UBE2E2: variants seen among roughly 807,000 people sequenced by gnomAD.
UBE2E2 encodes the protein ubiquitin-conjugating enzyme E2 E2.
Under a neutral mutation model 24.7 loss-of-function variants are expected in UBE2E2, and 6 were observed. The observed-to-expected ratio is 0.24, with a 90% CI of 0.13 to 0.48. UBE2E2 has a LOEUF of 0.48. Among genes scored for constraint, UBE2E2 ranks in the 20% least tolerant of loss-of-function variants. The pLI is 0.99. For missense variants in UBE2E2, 169 were observed against 245.0 expected (o/e 0.69, Z 2.07); for synonymous variants, 104 against 83.6 (o/e 1.24, Z -1.33).
chr3:23,495,708 G>C (rs949130420), intron 3 of UBE2E2, among the ~76,000 whole-genome samples: 3 of 152,154 alleles, frequency 2.0e-5, no homozygotes, highest in Non-Finnish European at 4.4e-5. Context: ...GAGTGAGCTT[G>C]TCTGGCAACA....
chr3:23,244,165 G>A (rs1411021244), intron 3 of UBE2E2, among the ~76,000 whole-genome samples: 4 of 150,490 alleles, frequency 2.7e-5, no homozygotes, highest in African/African-American at 9.7e-5. Flanking sequence ...TATTAAATGA[G>A]GAAATTAAAA....
intron 3 of UBE2E2, among the ~76,000 whole-genome samples, chr3:23,349,609 G>A (rs529648979): frequency 1.3e-5 from 2 of 152,330 alleles, no homozygotes; most frequent in Admixed American, 6.5e-5. Context: ...AGGGTCCTAC[G>A]CCCACGGAAT....
intron 3 of UBE2E2, among the ~76,000 whole-genome samples, chr3:23,329,518 G>T (rs896014581): frequency 2.0e-5 from 3 of 152,190 alleles, no homozygotes; most frequent in African/African-American, 7.2e-5. Flanking sequence ...TTGACGCAAG[G>T]AATTTAAATA....
chr3:23,484,136 G>A (rs1424804209), intron 3 of UBE2E2, among the ~76,000 whole-genome samples: 1 of 152,108 alleles, frequency 6.6e-6, no homozygotes, highest in African/African-American at 2.4e-5. Flanking sequence ...TCTTCCAAAG[G>A]GCAACCCGCT....
At chr3:23,311,403 G>A (rs1421515830) in intron 3 of UBE2E2, among the ~76,000 whole-genome samples, 3 of 152,112 alleles carry the variant, frequency 2.0e-5, no homozygotes, top group African/African-American at 7.2e-5. Flanking sequence ...TATTTGGCTG[G>A]GTCAAATGGT....
chr3:23,299,108 T>G (rs548879016), intron 3 of UBE2E2, among the ~76,000 whole-genome samples: 86 of 152,230 alleles, frequency 5.6e-4, no homozygotes, highest in Non-Finnish European at 1.1e-3. Context: ...GATGGTAGTT[T>G]GTATTTCTGT....
At chr3:23,299,084 T>C (rs1403871659) in intron 3 of UBE2E2, among the ~76,000 whole-genome samples, 2 of 152,196 alleles carry the variant, frequency 1.3e-5, no homozygotes, top group Middle Eastern at 3.2e-3. Context: ...ATAGAGGTGT[T>C]TATAGTATTC....
At chr3:23,259,339 T>C (rs541595000) in intron 3 of UBE2E2, among the ~76,000 whole-genome samples, 1 of 152,250 alleles carries the variant, frequency 6.6e-6, no homozygotes, top group Non-Finnish European at 1.5e-5. Context: ...CTTTTGGGCA[T>C]GGTTTGGCAA....
chr3:23,228,505 T>C (rs1291549499), intron 3 of UBE2E2, among the ~76,000 whole-genome samples: 9 of 152,200 alleles, frequency 5.9e-5, no homozygotes, highest in Admixed American at 5.9e-4. Context: ...GAAACTGTAT[T>C]CTTTCATGTA....
intron 3 of UBE2E2, among the ~76,000 whole-genome samples, chr3:23,447,014 GC>G (rs1358983001): frequency 2.6e-5 from 4 of 152,092 alleles, no homozygotes; most frequent in African/African-American, 4.8e-5. Context: ...TGTTTCCTCT[GC>G]CTGACACATT....
At chr3:23,444,065 G>GTTT (rs59171795) in intron 3 of UBE2E2, among the ~76,000 whole-genome samples, 5,489 of 117,266 alleles carry the variant, frequency 0.047, 461 homozygotes, top group African/African-American at 0.15. Context: ...CACCAGTTTT[G>GTTT]TTTTTTTTTT....
chr3:23,274,554 G>A (rs796709237), intron 3 of UBE2E2, among the ~76,000 whole-genome samples: 8 of 151,968 alleles, frequency 5.3e-5, no homozygotes, highest in African/African-American at 1.9e-4. Context: ...TAGAGATGGA[G>A]TTTCTCCATG....
chr3:23,306,792 T>A (rs1293892153), intron 3 of UBE2E2, among the ~76,000 whole-genome samples: 1 of 152,188 alleles, frequency 6.6e-6, no homozygotes, highest in African/African-American at 2.4e-5. Context: ...AGAACCTTGC[T>A]CAACTGATGG....
chr3:23,432,649 AAATT>A (rs1698088198), intron 3 of UBE2E2, among the ~76,000 whole-genome samples: 2 of 152,024 alleles, frequency 1.3e-5, no homozygotes, highest in South Asian at 4.2e-4. Context: ...TACTCTGTCC[AAATT>A]TGGTAGTGGT....
chr3:23,293,439 G>A (rs1698824670), intron 3 of UBE2E2, among the ~76,000 whole-genome samples: 1 of 152,140 alleles, frequency 6.6e-6, no homozygotes, highest in Admixed American at 6.5e-5. Flanking sequence ...ATTGTGTCTG[G>A]CATATAGTAG....
intron 3 of UBE2E2, among the ~76,000 whole-genome samples, chr3:23,331,347 C>G (rs762994108): frequency 2.0e-5 from 3 of 152,014 alleles, no homozygotes; most frequent in Non-Finnish European, 4.4e-5. Flanking sequence ...ATGAACCAAA[C>G]AAAGAAAACA....
At chr3:23,313,648 G>A (rs1309762061) in intron 3 of UBE2E2, among the ~76,000 whole-genome samples, 1 of 152,108 alleles carries the variant, frequency 6.6e-6, no homozygotes, top group African/African-American at 2.4e-5. Flanking sequence ...CTCCCAAAGT[G>A]CTGGGATTAC....
At chr3:23,437,933 A>C (rs1698219038) in intron 3 of UBE2E2, among the ~76,000 whole-genome samples, 1 of 152,246 alleles carries the variant, frequency 6.6e-6, no homozygotes, top group African/African-American at 2.4e-5. Flanking sequence ...CAGTGTGGGC[A>C]GTAAATGCAG....
chr3:23,248,635 G>A (rs1256531234), intron 3 of UBE2E2, among the ~76,000 whole-genome samples: 2 of 152,160 alleles, frequency 1.3e-5, no homozygotes, highest in East Asian at 3.9e-4. Flanking sequence ...GAACATACTT[G>A]AGAAATATAA....
Sources: allele counts gnomAD v4.1 joint callset (sites outside exome capture counted in the v4.1 genomes callset), GRCh38; gene constraint gnomAD v4.1.1; transcripts MANE v1.5; gene names NCBI Gene and HGNC (gene_info 2026-07-23, HGNC 2026-07-21).